The following CSMD1 variants were observed in gnomAD, a reference collection of about 807,000 sequenced individuals.
CSMD1 encodes the protein CUB and sushi domain-containing protein 1.
Under a neutral mutation model 417.5 loss-of-function variants are expected in CSMD1, and 213 were observed. That is an observed-to-expected ratio of 0.51 (90% CI 0.46 to 0.57). The LOEUF is 0.57. Ranked by LOEUF, CSMD1 falls within the 20% of genes least tolerant of loss-of-function variation. The pLI, the probability that CSMD1 is intolerant of heterozygous loss-of-function variation, is 0.00. For missense variants in CSMD1, 6,923 were observed against 4,529.7 expected, an observed-to-expected ratio of 1.53 and a Z score of -15.17; for synonymous variants, 2,862 against 1,736.8, an observed-to-expected ratio of 1.65 and a Z score of -16.11.
intron 1 of CSMD1, chr8:4,787,213 G>T (rs1797448355): frequency 2.1e-6 from 1 of 477,168 alleles, no homozygotes; most frequent in Non-Finnish European, 3.9e-6. Context: ...GCCCCGCCAG[G>T]GGGCGCGCCT....
intron 5 of CSMD1, among the ~76,000 whole-genome samples, chr8:3,968,965 T>C (rs796513991): frequency 3.3e-5 from 5 of 152,266 alleles, no homozygotes; most frequent in African/African-American, 9.6e-5. Flanking sequence ...TAAGACCTAA[T>C]GCAGGGCAGG....
At chr8:3,133,463 G>A (rs566688193) in intron 41 of CSMD1, among the ~76,000 whole-genome samples, 1 of 152,280 alleles carries the variant, frequency 6.6e-6, no homozygotes, top group South Asian at 2.1e-4. Context: ...TGGCCTCAGG[G>A]GAAGAGAGGC....
At chr8:4,855,347 A>T (rs375773619) in intron 1 of CSMD1, among the ~76,000 whole-genome samples, 1 of 152,204 alleles carries the variant, frequency 6.6e-6, no homozygotes, top group Non-Finnish European at 1.5e-5. Context: ...AACTCCAAAA[A>T]GCAGAGCGCC....
intron 2 of CSMD1, among the ~76,000 whole-genome samples, chr8:4,606,806 A>G (rs10217021): frequency 0.031 from 4,707 of 152,294 alleles, 207 homozygotes; most frequent in East Asian, 0.14. Flanking sequence ...TTTCTCCCCA[A>G]ATAGAAAACT....
chr8:3,061,910 A>T (rs1397881434), intron 49 of CSMD1, among the ~76,000 whole-genome samples: 1 of 152,176 alleles, frequency 6.6e-6, no homozygotes, highest in African/African-American at 2.4e-5. Flanking sequence ...TATGACTAGT[A>T]AACGGCTCTG....
At chr8:4,588,161 G>C (rs146532076) in intron 2 of CSMD1, among the ~76,000 whole-genome samples, 345 of 152,162 alleles carry the variant, frequency 2.3e-3, no homozygotes, top group African/African-American at 8.0e-3. Flanking sequence ...TAAATGGCTA[G>C]TAAAATGATA....
chr8:3,870,818 A>T (rs572538563), intron 5 of CSMD1, among the ~76,000 whole-genome samples: 1 of 152,228 alleles, frequency 6.6e-6, no homozygotes, highest in East Asian at 1.9e-4. Context: ...CATACACAGG[A>T]GAGAAAGAAG....
chr8:3,837,074 G>T (rs12545154), intron 5 of CSMD1, among the ~76,000 whole-genome samples: 1 of 150,924 alleles, frequency 6.6e-6, no homozygotes, highest in African/African-American at 2.4e-5. Flanking sequence ...TCAACATGAA[G>T]AGCTAGGAAG....
chr8:3,293,726 G>T (rs781449022), intron 25 of CSMD1, among the ~76,000 whole-genome samples: 1 of 151,092 alleles, frequency 6.6e-6, no homozygotes, highest in Non-Finnish European at 1.5e-5. Flanking sequence ...TTAGCCATTC[G>T]TTTAATTTTT....
At chr8:4,564,107 G>A (rs139296066) in intron 2 of CSMD1, among the ~76,000 whole-genome samples, 8 of 152,016 alleles carry the variant, frequency 5.3e-5, no homozygotes, top group African/African-American at 1.9e-4. Context: ...ATGAGATAAT[G>A]GTCTTCCAAT....
In CSMD1 at chr8:3,675,407, G is replaced by C. The variant is rs1399824032; in HGVS notation, c.1009+33007C>G. On this transcript the variant is annotated intron_variant, in intron 7 of 69. Transcript: ENST00000635120. ...TTGGATATGCTATCTTGTTTTGTTT[G>C]CTAATGAACAAAGGAAGTCTTCTGG... is the stretch of plus-strand genomic sequence containing the variant. Among the ~76,000 whole-genome samples, 5 of 152,266 alleles carry C rather than the reference G, an allele frequency of 3.3e-5. No individual in the cohort carries two copies. In the South Asian group the frequency reaches 8.3e-4, roughly 25 times the overall value.
At chr8:3,119,349 C>A (rs936288963) in intron 41 of CSMD1, among the ~76,000 whole-genome samples, 1 of 73,976 alleles carries the variant, frequency 1.4e-5, no homozygotes, top group African/African-American at 4.4e-5. Flanking sequence ...ACAAATATAA[C>A]AGGAAAATCC....
At chr8:4,048,138 T>A (rs1402729314) in intron 3 of CSMD1, among the ~76,000 whole-genome samples, 1 of 152,136 alleles carries the variant, frequency 6.6e-6, no homozygotes, top group Admixed American at 6.5e-5. Flanking sequence ...TTGCCTAAGG[T>A]GAAAAGAATG....
At chr8:3,613,037 G>T (rs1418341285) in intron 8 of CSMD1, among the ~76,000 whole-genome samples, 4 of 151,982 alleles carry the variant, frequency 2.6e-5, no homozygotes, top group African/African-American at 9.7e-5. Flanking sequence ...TTAATAGGCA[G>T]ATGGAACAAG....
chr8:4,482,299 T>C (rs562361018), intron 2 of CSMD1, among the ~76,000 whole-genome samples: 15 of 152,302 alleles, frequency 9.8e-5, no homozygotes, highest in Admixed American at 2.0e-4. Context: ...TGTGTGTCCA[T>C]GGGATCTCTT....
intron 14 of CSMD1, among the ~76,000 whole-genome samples, chr8:3,406,941 G>A (rs1373221013): frequency 1.8e-4 from 27 of 152,118 alleles, no homozygotes; most frequent in Admixed American, 1.8e-3. Context: ...ATATTACACA[G>A]TTGTTTTTAC....
chr8:3,358,094 T>C (rs1016362743), intron 21 of CSMD1, among the ~76,000 whole-genome samples: 1 of 152,276 alleles, frequency 6.6e-6, no homozygotes, highest in East Asian at 1.9e-4. Context: ...TAAAACAAGT[T>C]ATGCTAAACA....
intron 5 of CSMD1, among the ~76,000 whole-genome samples, chr8:3,882,963 A>C (rs191336128): frequency 6.6e-6 from 1 of 152,172 alleles, no homozygotes. Context: ...ACTCTCTGCG[A>C]AAGTTTGTTG....
intron 5 of CSMD1, among the ~76,000 whole-genome samples, chr8:3,876,124 A>T (rs1585126061): frequency 6.6e-6 from 1 of 152,180 alleles, no homozygotes; most frequent in South Asian, 2.1e-4. Context: ...AATAAGTTAA[A>T]AAAGCAAGAA....
Sources: allele counts gnomAD v4.1 joint callset (sites outside exome capture counted in the v4.1 genomes callset), GRCh38; gene constraint gnomAD v4.1.1; transcripts MANE v1.5; gene names NCBI Gene and HGNC (gene_info 2026-07-23, HGNC 2026-07-21).